ABI1: variants seen among roughly 807,000 people sequenced by gnomAD.
The protein encoded by ABI1 is Abelson interactor 1.
In ABI1, 14 loss-of-function variants were observed where a neutral mutation model predicts 54.6. The observed-to-expected ratio is 0.26, with a 90% CI of 0.17 to 0.40. The LOEUF (loss-of-function observed/expected upper bound fraction) is 0.40. Ranked by LOEUF, ABI1 falls within the 10% of genes least tolerant of loss-of-function variation. The pLI is 1.00. For synonymous variants in ABI1, 194 were observed against 209.3 expected, an observed-to-expected ratio of 0.93 and a Z score of 0.63; for missense variants, 443 against 598.3, an observed-to-expected ratio of 0.74 and a Z score of 2.71.
intron 2 of ABI1, among the ~76,000 whole-genome samples, chr10:26,794,965 G>A (rs1054759642): frequency 4.0e-5 from 6 of 151,634 alleles, no homozygotes; most frequent in African/African-American, 1.5e-4. Context: ...CCAACATGGC[G>A]AAATCCTGCC....
At chr10:26,819,566 A>T (rs1457954877) in intron 2 of ABI1, among the ~76,000 whole-genome samples, 4 of 152,248 alleles carry the variant, frequency 2.6e-5, no homozygotes, top group Non-Finnish European at 4.4e-5. Context: ...AATATTATCA[A>T]CCAACTTGAC....
intron 3 of ABI1, 72 bp from the exon 4 acceptor site, chr10:26,771,161 GT>G: frequency 6.7e-7 from 1 of 1,503,576 alleles, no homozygotes; most frequent in Non-Finnish European, 9.2e-7. Flanking sequence ...GATAGGACAG[GT>G]TTACATTTAC....
At chr10:26,771,576 T>A (rs1455410886) in intron 3 of ABI1, among the ~76,000 whole-genome samples, 1 of 152,160 alleles carries the variant, frequency 6.6e-6, no homozygotes, top group African/African-American at 2.4e-5. Context: ...AACATTAAAA[T>A]TCAAAACCAC....
At chr10:26,802,970 A>G (rs2046655704) in intron 2 of ABI1, among the ~76,000 whole-genome samples, 1 of 152,258 alleles carries the variant, frequency 6.6e-6, no homozygotes, top group African/African-American at 2.4e-5. Flanking sequence ...ATAGATCAGG[A>G]AGATCAAACA....
chr10:26,847,735 T>C (rs2050086501), intron 1 of ABI1, among the ~76,000 whole-genome samples: 1 of 152,144 alleles, frequency 6.6e-6, no homozygotes, highest in African/African-American at 2.4e-5. Flanking sequence ...GAGGAAAAGA[T>C]AAATGCAAAG....
intron 8 of ABI1, among the ~76,000 whole-genome samples, 192 bp from the exon 9 acceptor site, chr10:26,755,933 C>T (rs920997106): frequency 1.3e-5 from 2 of 152,130 alleles, no homozygotes; most frequent in Non-Finnish European, 2.9e-5. Flanking sequence ...CACAAGCAAA[C>T]CTAAAGGCCA....
chr10:26,758,068 C>CAAA (rs71403888), intron 8 of ABI1, among the ~76,000 whole-genome samples: 11 of 67,390 alleles, frequency 1.6e-4, no homozygotes, highest in Non-Finnish European at 2.6e-4. Flanking sequence ...AACTCTGTCT[C>CAAA]AAAAAAAAAA....
At chr10:26,847,422 G>T (rs1461420856) in intron 1 of ABI1, among the ~76,000 whole-genome samples, 1 of 152,076 alleles carries the variant, frequency 6.6e-6, no homozygotes, top group African/African-American at 2.4e-5. Context: ...AGGAGTTCAA[G>T]ACCAGCCTGG....
At position 26,814,454 on chromosome 10, in the gene ABI1, A is replaced by G. The variant is rs984148524; in HGVS notation, c.285+8684T>C. ...ATGGAAAAAAGAAATCATAATGGAC[A>G]TTGCTAAGCACTCTACAAAGCAAAT... On this transcript the variant is annotated intron_variant, in intron 2 of 10. Transcript: ENST00000376140. 2.0e-5 allele frequency among the ~76,000 whole-genome samples: 3 copies of G among 152,216 alleles called. No individual in the cohort carries two copies. The East Asian group carries it at 5.8e-4, about 29-fold the overall frequency.
At position 26,770,257 on chromosome 10, in the gene ABI1, C is replaced by G. The variant is rs765819469; in HGVS notation, c.566G>C (p.Arg189Pro). 3 of 1,613,766 alleles carry G rather than the reference C, an allele frequency of 1.9e-6. No individual in the cohort carries two copies. Among genetic ancestry groups the G allele is most frequent in the Non-Finnish European group, 2.5e-6 (3 of 1,179,710 alleles). The stretch of plus-strand genomic sequence containing the variant: ...GTTGAATTCTTACCCCAGTGTTCCC[C>G]GGCCTGACATGGGAGGACTTGGCGG... The part of the protein sequence containing the change: ...QKPPSPPMSG[R>P]GTLGRNTPYK... The change falls in exon 5 of 11, where the codon CGG becomes CCG. Residue 189 changes from arginine to proline, a missense_variant. Coordinates refer to ENST00000376140, the MANE Select transcript of ABI1 (RefSeq NM_001012750.3).
chr10:26,839,675 G>A, intron 1 of ABI1: 1 of 640,668 alleles, frequency 1.6e-6, no homozygotes, highest in Middle Eastern at 3.1e-4. Context: ...AACATGCCAG[G>A]CTTGGTGGCT....
chr10:26,749,407 A>G (rs1239053032), intron 10 of ABI1, among the ~76,000 whole-genome samples: 1 of 152,240 alleles, frequency 6.6e-6, no homozygotes, highest in African/African-American at 2.4e-5. Flanking sequence ...GGAATTTTAC[A>G]TATGCGTAAT....
intron 1 of ABI1, among the ~76,000 whole-genome samples, chr10:26,850,782 T>C (rs2050324944): frequency 6.6e-6 from 1 of 152,110 alleles, no homozygotes; most frequent in Non-Finnish European, 1.5e-5. Flanking sequence ...CTGAGGCACC[T>C]GTGATTCAAA....
chr10:26,770,184 C>T, intron 5 of ABI1, 61 bp downstream of exon 5: 1 of 1,410,286 alleles, frequency 7.1e-7, no homozygotes, highest in Non-Finnish European at 1.0e-6. Context: ...TTACTTAAGT[C>T]ACAGAAACAT....
At chr10:26,789,821 C>T (rs1227160387) in intron 2 of ABI1, among the ~76,000 whole-genome samples, 4 of 152,174 alleles carry the variant, frequency 2.6e-5, no homozygotes, top group African/African-American at 9.7e-5. Context: ...CACTGTTCCC[C>T]TCTATGTGTC....
intron 4 of ABI1, chr10:26,770,572 G>A: frequency 1.4e-6 from 1 of 701,186 alleles, no homozygotes; most frequent in East Asian, 2.8e-5. Flanking sequence ...CAGGTGAGAT[G>A]ACTGGATTTA....
At chr10:26,798,250 A>G (rs1246972678) in intron 2 of ABI1, among the ~76,000 whole-genome samples, 1 of 152,000 alleles carries the variant, frequency 6.6e-6, no homozygotes, top group Non-Finnish European at 1.5e-5. Context: ...GAACTGATAT[A>G]GCAAAAGGGA....
intron 1 of ABI1, among the ~76,000 whole-genome samples, chr10:26,855,274 T>C (rs1383626599): frequency 1.3e-5 from 2 of 152,188 alleles, no homozygotes; most frequent in East Asian, 1.9e-4. Flanking sequence ...CTGGAAACAA[T>C]GGTAAAGAGT....
At chr10:26,819,788 G>A (rs2047845693) in intron 2 of ABI1, among the ~76,000 whole-genome samples, 1 of 152,128 alleles carries the variant, frequency 6.6e-6, no homozygotes, top group Non-Finnish European at 1.5e-5. Flanking sequence ...AGGAAAATAT[G>A]GGGGGGATAT....
Sources: gnomAD v4.1 joint callset for allele counts (sites outside exome capture counted in the v4.1 genomes callset) on GRCh38, gnomAD v4.1.1 for gene constraint, MANE v1.5 for transcripts, NCBI Gene and HGNC (gene_info 2026-07-23, HGNC 2026-07-21) for gene names.